Variants in FBXO38 observed in about 807,000 individuals in gnomAD.
The protein encoded by FBXO38 is F-box only protein 38.
A neutral mutation model predicts 131.9 loss-of-function variants in FBXO38; 53 were observed. The observed-to-expected ratio is 0.40, with a 90% CI of 0.32 to 0.51. The LOEUF (loss-of-function observed/expected upper bound fraction) is 0.51, where lower values mean the gene tolerates loss of function less well. Among genes scored for constraint, FBXO38 ranks in the 20% least tolerant of loss-of-function variants. The probability of loss-of-function intolerance (pLI) is 0.53; values close to 1 mark genes in which losing one functional copy is unlikely to be tolerated. For synonymous variants in FBXO38, 452 were observed against 505.6 expected, an observed-to-expected ratio of 0.89 and a Z score of 1.42; for missense variants, 1,076 against 1,475.6, an observed-to-expected ratio of 0.73 and a Z score of 4.44.
At chr5:148,420,439 G>GT (rs1471239964) in intron 12 of FBXO38, among the ~76,000 whole-genome samples, 3 of 151,824 alleles carry the variant, frequency 2.0e-5, no homozygotes, top group African/African-American at 2.4e-5. Flanking sequence ...CAATGTTGCT[G>GT]TTTTTTTAAC....
rs1327513135 is a variant in FBXO38, at chr5:148,399,015, G to T, written c.145G>T (p.Asp49Tyr). ...CHIFRYLPLQ[D>Y]IMCMECLSRK... ...CTCACAAAGGTACCTCCCTCTGCAG[G>T]ATATCATGTGTATGGAATGTCTTTC... The change falls in exon 3 of 22, where the codon GAT becomes TAT. Residue 49 changes from aspartate (D) to tyrosine (Y), a missense_variant. Transcript: ENST00000340253. 3.1e-6 allele frequency: 5 copies of T among 1,613,366 alleles called. No individual in the cohort carries two copies. Among genetic ancestry groups the T allele is most frequent in the Non-Finnish European group, 4.2e-6 (5 of 1,179,512 alleles).
intron 9 of FBXO38, among the ~76,000 whole-genome samples, chr5:148,411,495 C>T (rs1752751662): frequency 6.6e-6 from 1 of 152,072 alleles, no homozygotes; most frequent in Non-Finnish European, 1.5e-5. Context: ...TAGCAGATAA[C>T]ATTTTTTCTT....
chr5:148,385,446 AAAATT>A (rs1411058871), intron 1 of FBXO38, among the ~76,000 whole-genome samples: 1 of 152,206 alleles, frequency 6.6e-6, no homozygotes, highest in East Asian at 1.9e-4. Context: ...ATAGTGAAAT[AAAATT>A]AAAAAGGAGT....
At chr5:148,438,955 A>C (rs1754511500) in intron 18 of FBXO38, among the ~76,000 whole-genome samples, 1 of 152,202 alleles carries the variant, frequency 6.6e-6, no homozygotes, top group Non-Finnish European at 1.5e-5. Flanking sequence ...TTCTGTGCTT[A>C]ATGCCAAAAG....
intron 17 of FBXO38, among the ~76,000 whole-genome samples, chr5:148,437,737 A>G (rs748259415): frequency 2.6e-5 from 4 of 152,292 alleles, no homozygotes; most frequent in South Asian, 2.1e-4. Context: ...TTCATGTTTT[A>G]TATGTCAAAC....
intron 2 of FBXO38, among the ~76,000 whole-genome samples, chr5:148,398,459 G>A (rs962599439): frequency 3.3e-5 from 5 of 151,698 alleles, no homozygotes; most frequent in Admixed American, 2.0e-4. Context: ...AAAAAAAATG[G>A]GAAAAGAAAT....
chr5:148,425,913 GA>G (rs1753688834), intron 14 of FBXO38, among the ~76,000 whole-genome samples: 1 of 152,192 alleles, frequency 6.6e-6, no homozygotes, highest in Non-Finnish European at 1.5e-5. Context: ...CAGGGAAGAA[GA>G]GAAGTAAGGA....
chr5:148,421,365 C>T (rs1753419584), intron 12 of FBXO38, among the ~76,000 whole-genome samples: 1 of 152,040 alleles, frequency 6.6e-6, no homozygotes, highest in Non-Finnish European at 1.5e-5. Context: ...ATTTTTGAAG[C>T]CTAAGGGCAA....
At chr5:148,400,101 GTTATCAATAT>G (rs1752057286) in intron 3 of FBXO38, among the ~76,000 whole-genome samples, 4 of 151,826 alleles carry the variant, frequency 2.6e-5, no homozygotes, top group Admixed American at 6.6e-5. Context: ...GGCCATAGTA[GTTATCAATAT>G]ATACTTTCTT....
chr5:148,423,946 G>T, intron 12 of FBXO38, 52 bp from the exon 13 acceptor site: 1 of 1,562,050 alleles, frequency 6.4e-7, no homozygotes. Flanking sequence ...GCCTGCCATT[G>T]TAGTTCTTTA....
intron 1 of FBXO38, among the ~76,000 whole-genome samples, chr5:148,393,721 G>T (rs534639751): frequency 6.6e-6 from 1 of 152,132 alleles, no homozygotes; most frequent in Non-Finnish European, 1.5e-5. Flanking sequence ...ATGTGCCAAG[G>T]CATATTTAAA....
At position 148,433,180 on chromosome 5, in the gene FBXO38, AT is replaced by A. The variant is rs1200529778; in HGVS notation, c.2654-242del. 8.4e-6 allele frequency: 3 copies of A among 358,698 alleles called. No homozygotes were observed. The East Asian group carries it at 1.6e-4, about 19-fold the overall frequency. 22.2% of individuals were successfully genotyped at this position (358,698 alleles called of 1,614,324 possible). On this transcript the variant is annotated intron_variant, in intron 15 of 21. Coordinates refer to ENST00000340253, the MANE Select transcript of FBXO38 (RefSeq NM_205836.3). ...GCCTAGAAGTAGGAATGTTTATTAG[AT>A]TATTAGGATGACCTAGGCATGAGAA...
In FBXO38 at chr5:148,393,188, G is replaced by GGGGGT. The variant is rs1420907423; in HGVS notation, c.-63-1525_-63-1524insGGGTG. 4.5e-3 allele frequency among the ~76,000 whole-genome samples: 567 copies of GGGGGT among 127,080 alleles called. 8 individuals carry two copies. Among genetic ancestry groups the GGGGGT allele is most frequent in the African/African-American group, 0.017 (542 of 32,840 alleles). 83.4% of individuals were successfully genotyped at this position (127,080 alleles called of 152,430 possible). ...TACTGGTTAGAAACAACAGAAGAGG[G>GGGGGT]GTGTGTGTGTGTGTGTGTGTGTGTG... On this transcript the variant is annotated intron_variant, in intron 1 of 21. Transcript: ENST00000340253.
intron 4 of FBXO38, 81 bp downstream of exon 4, chr5:148,402,226 A>G (rs531515849): frequency 1.4e-5 from 21 of 1,551,438 alleles, no homozygotes; most frequent in East Asian, 9.1e-5. Context: ...GTTCACTCAC[A>G]TGCAAATCTC....
chr5:148,402,477 C>G lies in FBXO38; in HGVS notation c.556C>G (p.Pro186Ala), dbSNP rs1206071707. Reference sequence around the variant, plus strand: ...TCCTCCTGAAAATAAACTGAAAATTCCTATAGGAGCCAAAATTCAAACTTT... The same window carrying G: ...TCCTCCTGAAAATAAACTGAAAATTGCTATAGGAGCCAAAATTCAAACTTT... ...PIPPENKLKI[P>A]IGAKIQTLHL... The change falls in exon 5 of 22, where the codon CCT (proline) becomes GCT (alanine). Residue 186 changes from proline (P) to alanine (A), a missense_variant. By Grantham distance (27) the Pro-to-Ala change is conservative. Transcript: ENST00000340253. The G allele has an allele frequency of 6.2e-7, 1 of 1,611,270 alleles. No homozygotes were observed. The highest frequency in any genetic ancestry group is 1.3e-5 in the African/African-American group (1 of 74,796).
At chr5:148,425,795 A>G in intron 14 of FBXO38, 94 bp downstream of exon 14, 1 of 1,055,348 alleles carries the variant, frequency 9.5e-7, no homozygotes. Flanking sequence ...CAGTTAACAT[A>G]TATTACGGAA....
At chr5:148,435,441 C>T (rs1195484643) in intron 17 of FBXO38, among the ~76,000 whole-genome samples, 1 of 152,230 alleles carries the variant, frequency 6.6e-6, no homozygotes, top group Non-Finnish European at 1.5e-5. Context: ...AACGTGACTT[C>T]CTCACCAAGC....
intron 5 of FBXO38, among the ~76,000 whole-genome samples, chr5:148,403,390 A>G (rs1581239308): frequency 6.6e-6 from 1 of 152,120 alleles, no homozygotes; most frequent in East Asian, 1.9e-4. Flanking sequence ...TCCTTTGTTT[A>G]TAGAGTTTGT....
intron 20 of FBXO38, among the ~76,000 whole-genome samples, chr5:148,440,827 G>T (rs1754638910): frequency 6.6e-6 from 1 of 152,204 alleles, no homozygotes; most frequent in Admixed American, 6.5e-5. Flanking sequence ...GGGAAGATAT[G>T]AATGGGGGTC....
Sources: gnomAD v4.1 joint callset for allele counts (sites outside exome capture counted in the v4.1 genomes callset) on GRCh38, gnomAD v4.1.1 for gene constraint, MANE v1.5 for transcripts, NCBI Gene and HGNC (gene_info 2026-07-23, HGNC 2026-07-21) for gene names.